Variants in MAML2 observed in about 807,000 individuals in gnomAD.
MAML2 encodes mastermind like transcriptional coactivator 2.
In MAML2, 22 loss-of-function variants were observed where a neutral mutation model predicts 96.1. The ratio of observed to expected loss-of-function variants is 0.23; its 90% confidence interval spans 0.16 to 0.33. The LOEUF is 0.33. Ranked by LOEUF, MAML2 falls within the 10% of genes least tolerant of loss-of-function variation. The pLI, the probability that MAML2 is intolerant of heterozygous loss-of-function variation, is 1.00. For synonymous variants in MAML2, 561 were observed against 521.3 expected (o/e 1.08, Z -1.04); for missense variants, 1,367 against 1,392.4 (o/e 0.98, Z 0.29).
At chr11:96,297,100 A>T (rs1863314386) in intron 1 of MAML2, among the ~76,000 whole-genome samples, 1 of 152,136 alleles carries the variant, frequency 6.6e-6, no homozygotes, top group African/African-American at 2.4e-5. Context: ...CTCAATGACC[A>T]CTTCAGCTTG....
chr11:96,198,765 T>C (rs1861768118), intron 1 of MAML2, among the ~76,000 whole-genome samples: 1 of 152,048 alleles, frequency 6.6e-6, no homozygotes, highest in Admixed American at 6.6e-5. Flanking sequence ...AGTCGTACCA[T>C]CCCTTACTTT....
At chr11:96,047,133 A>G (rs1197385527) in intron 2 of MAML2, among the ~76,000 whole-genome samples, 1 of 152,188 alleles carries the variant, frequency 6.6e-6, no homozygotes, top group Non-Finnish European at 1.5e-5. Context: ...TCAGTTTCCA[A>G]CTGACAGGAG....
At chr11:96,254,231 A>G (rs767927995) in intron 1 of MAML2, among the ~76,000 whole-genome samples, 9 of 152,188 alleles carry the variant, frequency 5.9e-5, no homozygotes, top group Non-Finnish European at 1.3e-4. Context: ...ATTTTCTAGA[A>G]AGAGTTCTAA....
Position 96,014,152 on chromosome 11 carries a change from G to A in MAML2, c.2140-22429C>T, listed in dbSNP as rs1017600948. ...GCCACTTCCCCATCTCACACCCTGC[G>A]AGGGGGACAAGGGAATCTTTCTTGT... On this transcript the variant is annotated intron_variant, in intron 2 of 4. Transcript: ENST00000524717. Among the ~76,000 whole-genome samples, 45 of 152,304 alleles carry A rather than the reference G, an allele frequency of 3.0e-4. 1 individual carries two copies. Among genetic ancestry groups the A allele is most frequent in the African/African-American group, 9.9e-4 (41 of 41,566 alleles).
chr11:96,184,439 C>CAAATAAATAAAT (rs139760069), intron 1 of MAML2, among the ~76,000 whole-genome samples: 198 of 145,274 alleles, frequency 1.4e-3, no homozygotes, highest in African/African-American at 4.6e-3. Context: ...GACTCCATCT[C>CAAATAAATAAAT]AAATAAATAA....
intron 2 of MAML2, among the ~76,000 whole-genome samples, chr11:96,004,447 TA>T (rs72515047): frequency 0.24 from 35,877 of 151,832 alleles, 4,551 homozygotes; most frequent in East Asian, 0.38. Context: ...CCTTTGGGAA[TA>T]AAAAAAACCC....
chr11:96,064,404 T>C (rs540705133), intron 2 of MAML2, among the ~76,000 whole-genome samples: 2 of 152,342 alleles, frequency 1.3e-5, no homozygotes, highest in African/African-American at 4.8e-5. Context: ...TCAGATTCTC[T>C]AAGAAGGAAC....
intron 2 of MAML2, among the ~76,000 whole-genome samples, chr11:96,005,162 C>T (rs1858158187): frequency 6.6e-6 from 1 of 152,206 alleles, no homozygotes; most frequent in South Asian, 2.1e-4. Context: ...TTATAAATTA[C>T]CCATTCTGTG....
At chr11:96,143,560 T>C (rs1860767994) in intron 1 of MAML2, among the ~76,000 whole-genome samples, 1 of 152,220 alleles carries the variant, frequency 6.6e-6, no homozygotes, top group East Asian at 1.9e-4. Flanking sequence ...CTGCACACTT[T>C]GGTCCGTGGG....
chr11:96,181,073 C>T (rs1335180074), intron 1 of MAML2, among the ~76,000 whole-genome samples: 1 of 152,128 alleles, frequency 6.6e-6, no homozygotes, highest in African/African-American at 2.4e-5. Flanking sequence ...GCCATTTACA[C>T]TTCTTTTGTG....
At chr11:96,117,036 C>T (rs1157904578) in intron 1 of MAML2, among the ~76,000 whole-genome samples, 2 of 152,072 alleles carry the variant, frequency 1.3e-5, no homozygotes, top group Non-Finnish European at 2.9e-5. Flanking sequence ...GAAGGTAAAT[C>T]CCAGTATTTT....
At chr11:96,323,194 T>C (rs1359318950) in intron 1 of MAML2, among the ~76,000 whole-genome samples, 1 of 152,004 alleles carries the variant, frequency 6.6e-6, no homozygotes, top group African/African-American at 2.4e-5. Flanking sequence ...GGGGCTTAGA[T>C]ACAATATCTC....
intron 1 of MAML2, among the ~76,000 whole-genome samples, chr11:96,174,218 G>A (rs1215338574): frequency 1.3e-5 from 2 of 152,066 alleles, no homozygotes; most frequent in Non-Finnish European, 2.9e-5. Context: ...AGATCTAAAG[G>A]CTGCATGAAT....
Position 96,121,780 on chromosome 11 carries a change from ATTTTTTTT to A in MAML2, c.514-28271_514-28264del, listed in dbSNP as rs543373689. On this transcript the variant is annotated intron_variant, in intron 1 of 4. Transcript: ENST00000524717. ...TCCATTCCATATTCCCAACTGCGTGATTTTTTTTTTTTTTTTTTTTTTTTGAGACGGAG... is the reference window on the plus strand; with the variant it reads ...TCCATTCCATATTCCCAACTGCGTGATTTTTTTTTTTTTTTTGAGACGGAG... Among the ~76,000 whole-genome samples the A allele has an allele frequency of 1.4e-3, 50 of 35,244 alleles. 1 individual carries two copies. The highest frequency in any genetic ancestry group is 0.01 in the South Asian group (8 of 778). 23.1% of individuals were successfully genotyped at this position (35,244 alleles called of 152,430 possible). A position where few individuals can be genotyped will look rare whatever the true frequency, so the allele number is the denominator to read the frequency against.
chr11:96,247,748 C>T (rs1217327340), intron 1 of MAML2, among the ~76,000 whole-genome samples: 1 of 152,132 alleles, frequency 6.6e-6, no homozygotes, highest in African/African-American at 2.4e-5. Flanking sequence ...GACTACTTCA[C>T]ACCTTTTCCT....
chr11:96,317,633 T>A (rs532582136), intron 1 of MAML2, among the ~76,000 whole-genome samples: 3 of 152,250 alleles, frequency 2.0e-5, no homozygotes, highest in East Asian at 3.9e-4. Flanking sequence ...GGAAAGAAAA[T>A]GACAAGAGGA....
intron 1 of MAML2, among the ~76,000 whole-genome samples, chr11:96,151,372 A>G (rs796935552): frequency 1.7e-4 from 26 of 152,352 alleles, no homozygotes; most frequent in Middle Eastern, 3.4e-3. Context: ...CATATCTTGC[A>G]TTACAGTTAT....
At chr11:96,171,422 C>T (rs1288201733) in intron 1 of MAML2, among the ~76,000 whole-genome samples, 1 of 152,144 alleles carries the variant, frequency 6.6e-6, no homozygotes, top group Non-Finnish European at 1.5e-5. Context: ...ATTATTGGTT[C>T]ATTTTTCCGA....
At chr11:96,074,707 A>G (rs1859406544) in intron 2 of MAML2, among the ~76,000 whole-genome samples, 1 of 152,370 alleles carries the variant, frequency 6.6e-6, no homozygotes, top group African/African-American at 2.4e-5. Context: ...ACGTCATCAT[A>G]CAAAAAAGGT....
Sources: gnomAD v4.1 joint callset for allele counts (sites outside exome capture counted in the v4.1 genomes callset) on GRCh38, gnomAD v4.1.1 for gene constraint, MANE v1.5 for transcripts, NCBI Gene and HGNC (gene_info 2026-07-23, HGNC 2026-07-21) for gene names.